The following ABCB1 variants were observed in gnomAD, a reference collection of about 807,000 sequenced individuals.
ABCB1 encodes ATP-dependent translocase ABCB1.
Under a neutral mutation model 142.0 loss-of-function variants are expected in ABCB1, and 69 were observed. The observed-to-expected ratio is 0.49, with a 90% confidence interval of 0.40 to 0.59. ABCB1 has a LOEUF of 0.59. ABCB1 is among the 20% of genes least tolerant of loss of function. ABCB1 has a pLI of 0.00. For synonymous variants in ABCB1, 532 were observed against 539.2 expected, an observed-to-expected ratio of 0.99 and a Z score of 0.18; for missense variants, 1,326 against 1,554.7, an observed-to-expected ratio of 0.85 and a Z score of 2.47.
At chr7:87,539,029 TC>T (rs1296719404) in intron 19 of ABCB1, among the ~76,000 whole-genome samples, 3 of 152,106 alleles carry the variant, frequency 2.0e-5, no homozygotes, top group Admixed American at 1.3e-4. Context: ...TGGAGGTGAA[TC>T]CACGCTGGAG....
chr7:87,580,493 A>G (rs1818461120), intron 4 of ABCB1, among the ~76,000 whole-genome samples: 1 of 151,788 alleles, frequency 6.6e-6, no homozygotes, highest in Admixed American at 6.6e-5. Flanking sequence ...TTTATCCTTG[A>G]CTTTTGGGAA....
At chr7:87,635,167 A>G (rs1821636211) in intron 1 of ABCB1, among the ~76,000 whole-genome samples, 2 of 152,192 alleles carry the variant, frequency 1.3e-5, no homozygotes, top group Non-Finnish European at 2.9e-5. Flanking sequence ...TTACAGGTTT[A>G]TAAAATATAT....
rs1307645722 is a variant in ABCB1, at chr7:87,530,830, CAAGAAAGCAAGAAAGA to C, written c.2685+448_2685+463del. On this transcript the variant is annotated intron_variant, in intron 21 of 27. Transcript: ENST00000622132. Reference sequence around the variant, plus strand: ...GCAAGAAAGCAAGAAAGCAAGAAAGCAAGAAAGCAAGAAAGAAAGAAAGAAAGAAAGAAAGAAAGAA... The same window carrying C: ...GCAAGAAAGCAAGAAAGCAAGAAAGCAAGAAAGAAAGAAAGAAAGAAAGAA... Among the ~76,000 whole-genome samples, 206 of 43,374 alleles carry C rather than the reference CAAGAAAGCAAGAAAGA, an allele frequency of 4.7e-3. 1 individual carries two copies. The highest frequency in any genetic ancestry group is 0.011 in the African/African-American group (152 of 13,468). The allele number at this position is 43,374 out of a possible 152,430, so 28.5% of individuals were successfully genotyped here.
chr7:87,620,967 C>T (rs949130863), intron 1 of ABCB1, among the ~76,000 whole-genome samples: 8 of 151,552 alleles, frequency 5.3e-5, no homozygotes, highest in African/African-American at 1.5e-4. Flanking sequence ...AATACCAGTC[C>T]GAAACTCCAT....
intron 1 of ABCB1, among the ~76,000 whole-genome samples, chr7:87,614,495 T>C (rs1425446539): frequency 6.6e-6 from 1 of 152,036 alleles, no homozygotes; most frequent in East Asian, 1.9e-4. Flanking sequence ...GAAACAAGCT[T>C]GACTAATATT....
In ABCB1 at chr7:87,504,398, T is replaced by C. The variant is rs757394498; in HGVS notation, c.3688A>G (p.Ile1230Val). The C allele has an allele frequency of 1.9e-6, 3 of 1,614,136 alleles. No homozygotes were observed. The highest frequency in any genetic ancestry group is 2.2e-5 in the South Asian group (2 of 91,086). ...KAREGRTCIV[I>V]AHRLSTIQNA... ...TGGATGGTGGACAGGCGGTGAGCAA[T>C]CACAATGCAGGTGCGGCCTTCTCTG... is the stretch of plus-strand genomic sequence containing the variant. Residue 1230 changes from isoleucine (I) to valine (V), a missense_variant, in exon 28 of 28, where the codon ATT (isoleucine) becomes GTT (valine). Coordinates refer to ENST00000622132, the MANE Select transcript of ABCB1 (RefSeq NM_001348946.2).
intron 1 of ABCB1, among the ~76,000 whole-genome samples, chr7:87,615,047 G>T (rs745604052): frequency 6.6e-6 from 1 of 152,030 alleles, no homozygotes; most frequent in Admixed American, 6.6e-5. Context: ...GGGTTTCACC[G>T]TGTTAGCCAG....
chr7:87,530,418 A>G (rs932318850), intron 21 of ABCB1, among the ~76,000 whole-genome samples: 1 of 152,168 alleles, frequency 6.6e-6, no homozygotes, highest in Non-Finnish European at 1.5e-5. Context: ...TATCAGCTCT[A>G]AAGTCCAGAG....
At chr7:87,612,621 T>C (rs1424762722) in intron 1 of ABCB1, among the ~76,000 whole-genome samples, 1 of 152,184 alleles carries the variant, frequency 6.6e-6, no homozygotes, top group Non-Finnish European at 1.5e-5. Context: ...TTGGTCTATA[T>C]ATCTACTTTT....
chr7:87,707,960 G>T (rs1829754262), intron 1 of ABCB1, among the ~76,000 whole-genome samples: 1 of 151,974 alleles, frequency 6.6e-6, no homozygotes, highest in South Asian at 2.1e-4. Context: ...AATTGAAATT[G>T]AAAAATATTT....
chr7:87,558,565 T>C (rs1817411751), intron 8 of ABCB1, among the ~76,000 whole-genome samples: 1 of 152,198 alleles, frequency 6.6e-6, no homozygotes, highest in South Asian at 2.1e-4. Flanking sequence ...GGTCTTATTA[T>C]CTAGTACTAG....
chr7:87,592,922 T>C (rs546127115), intron 3 of ABCB1, among the ~76,000 whole-genome samples: 1 of 147,506 alleles, frequency 6.8e-6, no homozygotes, highest in African/African-American at 2.5e-5. Context: ...TGCAAGAATA[T>C]ATAATCTTTT....
chr7:87,610,887 G>A (rs1196585383), intron 1 of ABCB1, among the ~76,000 whole-genome samples: 2 of 152,134 alleles, frequency 1.3e-5, no homozygotes, highest in Non-Finnish European at 2.9e-5. Flanking sequence ...CTGGAGGAAG[G>A]GGAGAGGTTA....
At chr7:87,659,008 T>C (rs6951067) in intron 1 of ABCB1, among the ~76,000 whole-genome samples, 23,972 of 152,028 alleles carry the variant, frequency 0.16, 3,197 homozygotes, top group African/African-American at 0.37. Flanking sequence ...AAAAAATTAA[T>C]CAGACATGGT....
At chr7:87,681,733 C>CT (rs1241961057) in intron 1 of ABCB1, among the ~76,000 whole-genome samples, 4 of 137,990 alleles carry the variant, frequency 2.9e-5, no homozygotes, top group Non-Finnish European at 6.2e-5. Flanking sequence ...CAACAATGGG[C>CT]TGGGCACAGT....
intron 23 of ABCB1, among the ~76,000 whole-genome samples, chr7:87,518,301 C>T (rs1028850780): frequency 6.6e-6 from 1 of 152,152 alleles, no homozygotes. Context: ...TCTTCCTTTT[C>T]CTTAACTTGG....
At chr7:87,568,120 A>G (rs1817859327) in intron 5 of ABCB1, among the ~76,000 whole-genome samples, 1 of 149,850 alleles carries the variant, frequency 6.7e-6, no homozygotes, top group African/African-American at 2.5e-5. Flanking sequence ...AAAAAAGAAA[A>G]GCAAACAATT....
At chr7:87,689,963 G>C (rs890723229) in intron 1 of ABCB1, among the ~76,000 whole-genome samples, 1 of 151,978 alleles carries the variant, frequency 6.6e-6, no homozygotes, top group Non-Finnish European at 1.5e-5. Context: ...ATCTTTGAAT[G>C]TTTAAATAGC....
intron 3 of ABCB1, among the ~76,000 whole-genome samples, chr7:87,587,085 T>A (rs1361067419): frequency 6.6e-6 from 1 of 152,190 alleles, no homozygotes; most frequent in African/African-American, 2.4e-5. Flanking sequence ...TTGGCATATT[T>A]TTTCATATTT....
Sources: allele counts gnomAD v4.1 joint callset (sites outside exome capture counted in the v4.1 genomes callset), GRCh38; gene constraint gnomAD v4.1.1; transcripts MANE v1.5; gene names NCBI Gene and HGNC (gene_info 2026-07-23, HGNC 2026-07-21).